The following RBM19 variants were observed in gnomAD, a reference collection of about 807,000 sequenced individuals.
The protein encoded by RBM19 is probable RNA-binding protein 19.
RBM19 carries 94 observed loss-of-function variants against 116.8 expected under a neutral mutation model. The observed-to-expected ratio is 0.80, with a 90% CI of 0.68 to 0.95. The LOEUF is 0.95. Among genes scored for constraint, RBM19 ranks in the 40% least tolerant of loss-of-function variants. The probability of loss-of-function intolerance (pLI) is 0.00; values close to 1 mark genes in which losing one functional copy is unlikely to be tolerated. For missense variants in RBM19, 1,161 were observed against 1,220.7 expected (o/e 0.95, Z 0.73); for synonymous variants, 475 against 494.1 (o/e 0.96, Z 0.51).
intron 8 of RBM19, among the ~76,000 whole-genome samples, chr12:113,951,548 C>T (rs930074346): frequency 2.0e-5 from 3 of 151,098 alleles, no homozygotes. Context: ...AACACACACA[C>T]ACTCACACAC....
chr12:113,918,803 T>G (rs1208715515), intron 19 of RBM19, among the ~76,000 whole-genome samples: 2 of 152,236 alleles, frequency 1.3e-5, no homozygotes, highest in Non-Finnish European at 2.9e-5. Flanking sequence ...AGTTTGTATG[T>G]TCCTGAAAAA....
At chr12:113,931,954 G>T (rs189544256) in intron 16 of RBM19, among the ~76,000 whole-genome samples, 1 of 152,328 alleles carries the variant, frequency 6.6e-6, no homozygotes, top group East Asian at 1.9e-4. Flanking sequence ...CAGGGAGCTC[G>T]AGACAGGACC....
chr12:113,937,907 C>T (rs903905896), intron 15 of RBM19, among the ~76,000 whole-genome samples: 1 of 152,118 alleles, frequency 6.6e-6, no homozygotes, highest in African/African-American at 2.4e-5. Context: ...TGAATCTTTT[C>T]AAATTTCCTA....
chr12:113,884,296 TATACACACACAC>T (rs1002962298), intron 21 of RBM19, among the ~76,000 whole-genome samples: 3 of 81,542 alleles, frequency 3.7e-5, no homozygotes, highest in Non-Finnish European at 6.7e-5. Context: ...AAAAAAAAAG[TATACACACACAC>T]ACACACACAC....
Position 113,927,072 on chromosome 12 carries a change from T to C in RBM19, c.2226A>G (p.Thr742=), listed in dbSNP as rs1433262181. The C allele has an allele frequency of 6.2e-7, 1 of 1,613,556 alleles. No homozygotes were observed. The highest frequency in any genetic ancestry group is 8.5e-7 in the Non-Finnish European group (1 of 1,179,972). ...CACTCACTTCCTTCAGCTTCTCTTCTGTTGTGTCAAAATTGAGATTCTTAA... is the reference window on the plus strand; with the variant it reads ...CACTCACTTCCTTCAGCTTCTCTTCCGTTGTGTCAAAATTGAGATTCTTAA... ...LFIKNLNFDT[T]EEKLKEVFSK... Residue 742 remains threonine (T), a synonymous_variant, in exon 17 of 24, where the codon ACA becomes ACG. Transcript: ENST00000261741.
intron 21 of RBM19, among the ~76,000 whole-genome samples, chr12:113,896,340 T>G (rs1881323906): frequency 6.6e-6 from 1 of 152,082 alleles, no homozygotes; most frequent in African/African-American, 2.4e-5. Flanking sequence ...CCCCATCACG[T>G]GAGGTGCTTA....
chr12:113,948,937 T>G lies in RBM19; in HGVS notation c.1172A>C (p.Glu391Ala). 6.2e-7 allele frequency: 1 copy of G among 1,614,216 alleles called. No homozygotes were observed. The highest frequency in any genetic ancestry group is 8.5e-7 in the Non-Finnish European group (1 of 1,180,038). ...TKSWQGRILG[E>A]NEEEEDLAES... ...GGCCAGGTCCTCCTCCTCTTCGTTC[T>G]CCCCGAGTATCCGGCCTTGCCAGGA... The change falls in exon 10 of 24, where the codon GAG becomes GCG. Residue 391 changes from glutamate (E) to alanine (A), a missense_variant. By Grantham distance (107) the Glu-to-Ala change is moderately radical. Coordinates refer to ENST00000261741, the MANE Select transcript of RBM19 (RefSeq NM_016196.4).
In RBM19 at chr12:113,937,008, T is replaced by G. The variant is rs1870131308; in HGVS notation, c.2067A>C (p.Thr689=). ...PMEKDPAEPE[T]VPDGETPEDE... is the part of the protein sequence containing the mutation. The stretch of plus-strand genomic sequence containing the variant: ...CCTGGTCTCAGACTCAGCTCTTACC[T>G]GTTTCTGGCTCTGCTGGGTCCTTTT... Residue 689 remains threonine, a splice_region_variant and synonymous_variant, in exon 16 of 24, where the codon ACA becomes ACC. Coordinates refer to ENST00000261741, the MANE Select transcript of RBM19 (RefSeq NM_016196.4). 1 of 1,613,660 alleles carries G rather than the reference T, an allele frequency of 6.2e-7. No homozygotes were observed. The highest frequency in any genetic ancestry group is 1.1e-5 in the South Asian group (1 of 91,048).
chr12:113,830,570 CGGGGCG>C (rs1341207484), intron 23 of RBM19, among the ~76,000 whole-genome samples: 836 of 7,678 alleles, frequency 0.11, 83 homozygotes, highest in East Asian at 0.44. Flanking sequence ...GCTAGGGCTG[CGGGGCG>C]GGGGGGGGGG....
At chr12:113,872,396 G>A (rs1879294223) in intron 21 of RBM19, among the ~76,000 whole-genome samples, 5 of 149,342 alleles carry the variant, frequency 3.3e-5, no homozygotes, top group African/African-American at 1.2e-4. Context: ...AGGGAGGTGG[G>A]GGGGTCAGCC....
At chr12:113,961,968 G>A (rs369344872) in intron 2 of RBM19, among the ~76,000 whole-genome samples, 1 of 152,248 alleles carries the variant, frequency 6.6e-6, no homozygotes, top group Non-Finnish European at 1.5e-5. Flanking sequence ...CAGCATGGTC[G>A]TCACCTGAGG....
intron 21 of RBM19, among the ~76,000 whole-genome samples, chr12:113,874,588 G>GCTAA (rs1879526080): frequency 6.6e-6 from 1 of 152,222 alleles, no homozygotes; most frequent in Non-Finnish European, 1.5e-5. Flanking sequence ...GCCCCACCCT[G>GCTAA]GGGACAGTAA....
intron 22 of RBM19, among the ~76,000 whole-genome samples, chr12:113,847,157 C>G (rs866963374): frequency 1.3e-5 from 2 of 152,128 alleles, no homozygotes; most frequent in Non-Finnish European, 2.9e-5. Context: ...GAGATTTACA[C>G]AAAACGAGCA....
chr12:113,924,836 C>T (rs1593594414), intron 17 of RBM19, 79 bp from the exon 18 acceptor site: 1 of 1,209,098 alleles, frequency 8.3e-7, no homozygotes, highest in South Asian at 1.2e-5. Context: ...CACTATACCC[C>T]CAAATTTGCC....
At chr12:113,873,025 C>G (rs1593515618) in intron 21 of RBM19, among the ~76,000 whole-genome samples, 1 of 122,576 alleles carries the variant, frequency 8.2e-6, no homozygotes, top group East Asian at 2.7e-4. Context: ...AGCCCCTCTG[C>G]CCGGCCAGCC....
At chr12:113,928,771 G>A (rs778300232) in intron 16 of RBM19, among the ~76,000 whole-genome samples, 1 of 152,008 alleles carries the variant, frequency 6.6e-6, no homozygotes, top group Admixed American at 6.5e-5. Context: ...AGTTGGAAGA[G>A]GGCAGTGTCA....
intron 21 of RBM19, among the ~76,000 whole-genome samples, chr12:113,882,843 A>G (rs917478345): frequency 3.3e-5 from 5 of 152,354 alleles, no homozygotes; most frequent in African/African-American, 9.6e-5. Context: ...GGAGCCACTA[A>G]GAGTCCAGAG....
intron 21 of RBM19, among the ~76,000 whole-genome samples, chr12:113,884,225 G>A (rs2135794077): frequency 6.6e-6 from 1 of 150,478 alleles, no homozygotes; most frequent in Admixed American, 6.6e-5. Flanking sequence ...TGTAGCTGCA[G>A]TAGTCCATTA....
intron 21 of RBM19, among the ~76,000 whole-genome samples, chr12:113,874,202 C>T (rs184442840): frequency 6.6e-6 from 1 of 152,336 alleles, no homozygotes; most frequent in African/African-American, 2.4e-5. Flanking sequence ...TACTGAATGG[C>T]CGGCACCCAG....
Sources: allele counts gnomAD v4.1 joint callset (sites outside exome capture counted in the v4.1 genomes callset), GRCh38; gene constraint gnomAD v4.1.1; transcripts MANE v1.5; gene names NCBI Gene and HGNC (gene_info 2026-07-23, HGNC 2026-07-21).